PLXDC2: variants seen among roughly 807,000 people sequenced by gnomAD.
PLXDC2 encodes the protein plexin domain-containing protein 2.
In PLXDC2, 40 loss-of-function variants were observed where a neutral mutation model predicts 68.9. That is an observed-to-expected ratio of 0.58 (90% confidence interval 0.45 to 0.76). PLXDC2 has a LOEUF of 0.76. PLXDC2 is among the 30% of genes least tolerant of loss of function. The pLI is 0.00. For synonymous variants in PLXDC2, 243 were observed against 234.2 expected, an observed-to-expected ratio of 1.04 and a Z score of -0.34; for missense variants, 644 against 661.9, an observed-to-expected ratio of 0.97 and a Z score of 0.30.
At chr10:20,270,036 A>ATTAAAT (rs1421816468) in intron 13 of PLXDC2, among the ~76,000 whole-genome samples, 6 of 145,432 alleles carry the variant, frequency 4.1e-5, no homozygotes, top group African/African-American at 1.5e-4. Context: ...ATAAAATAAA[A>ATTAAAT]TAAAATAAAA....
intron 1 of PLXDC2, among the ~76,000 whole-genome samples, chr10:19,923,005 C>G (rs1304683672): frequency 2.0e-5 from 3 of 152,026 alleles, no homozygotes; most frequent in African/African-American, 4.8e-5. Context: ...CTATCTATCT[C>G]TTTATATGTT....
intron 4 of PLXDC2, among the ~76,000 whole-genome samples, chr10:20,116,361 C>T (rs1351505801): frequency 6.6e-5 from 10 of 152,264 alleles, no homozygotes; most frequent in East Asian, 3.9e-4. Flanking sequence ...GTTGTTATTA[C>T]TTATCTGTTC....
At chr10:20,171,903 A>G (rs1224853826) in intron 7 of PLXDC2, among the ~76,000 whole-genome samples, 4 of 152,258 alleles carry the variant, frequency 2.6e-5, no homozygotes, top group Admixed American at 2.0e-4. Flanking sequence ...TGAGCCCGCC[A>G]GTTCCAGACC....
chr10:20,188,309 C>T (rs1589671744), intron 9 of PLXDC2, among the ~76,000 whole-genome samples: 1 of 151,634 alleles, frequency 6.6e-6, no homozygotes, highest in Non-Finnish European at 1.5e-5. Context: ...TTCTCTACTT[C>T]TATGAAATCA....
At chr10:20,053,584 T>C (rs1835942141) in intron 3 of PLXDC2, among the ~76,000 whole-genome samples, 1 of 152,154 alleles carries the variant, frequency 6.6e-6, no homozygotes, top group Non-Finnish European at 1.5e-5. Context: ...GTTTTTGTGA[T>C]TTTCCTCTAT....
At chr10:19,903,864 G>A (rs1838200196) in intron 1 of PLXDC2, among the ~76,000 whole-genome samples, 3 of 151,584 alleles carry the variant, frequency 2.0e-5, no homozygotes, top group Admixed American at 1.3e-4. Context: ...GTATCTCAGA[G>A]GTTTTGATAG....
chr10:19,882,901 T>G (rs1031530983), intron 1 of PLXDC2, among the ~76,000 whole-genome samples: 1 of 152,070 alleles, frequency 6.6e-6, no homozygotes, highest in Non-Finnish European at 1.5e-5. Context: ...GCTTTTGTTT[T>G]TCCTACACTA....
At chr10:19,852,048 C>T (rs930663651) in intron 1 of PLXDC2, among the ~76,000 whole-genome samples, 1 of 152,174 alleles carries the variant, frequency 6.6e-6, no homozygotes, top group African/African-American at 2.4e-5. Flanking sequence ...ATCAGTTTCA[C>T]TTGGGAGTTA....
chr10:20,282,747 C>T lies in PLXDC2; in HGVS notation c.*2928C>T, dbSNP rs1204287477. 1 of 152,076 alleles carries T rather than the reference C, an allele frequency of 6.6e-6. No individual in the cohort carries two copies. The highest frequency in any genetic ancestry group is 1.5e-5 in the Non-Finnish European group (1 of 68,002). 9.4% of individuals were successfully genotyped at this position (152,076 alleles called of 1,614,324 possible). The stretch of plus-strand genomic sequence containing the variant: ...GCTTAAGCCCAAGAGATGGCACTGA[C>T]CATAAATGGTGGCTTGTGTGTGAAG... On this transcript the variant is annotated 3_prime_UTR_variant, in exon 14 of 14. Transcript: ENST00000377252.
At chr10:20,117,080 G>A (rs1004704688) in intron 4 of PLXDC2, among the ~76,000 whole-genome samples, 14 of 150,908 alleles carry the variant, frequency 9.3e-5, no homozygotes, top group African/African-American at 2.9e-4. Flanking sequence ...GCAGTTGAGC[G>A]AGATTGTAGA....
intron 2 of PLXDC2, among the ~76,000 whole-genome samples, chr10:20,037,727 AT>A (rs1835602616): frequency 6.6e-6 from 1 of 152,250 alleles, no homozygotes. Context: ...AATTTGAAAG[AT>A]CACAAGGGTA....
chr10:19,856,548 G>C (rs992977480), intron 1 of PLXDC2, among the ~76,000 whole-genome samples: 2 of 152,166 alleles, frequency 1.3e-5, no homozygotes, highest in African/African-American at 4.8e-5. Flanking sequence ...CGTTGAGTTT[G>C]AGAAGCATTA....
In PLXDC2 at chr10:19,816,785, C is replaced by A; in HGVS notation, c.-295C>A. 1 of 487,076 alleles carries A rather than the reference C, an allele frequency of 2.1e-6. No homozygotes were observed. Among genetic ancestry groups the A allele is most frequent in the Middle Eastern group, 5.6e-4 (1 of 1,800 alleles). The allele number at this position is 487,076 out of a possible 1,614,324, so 30.2% of individuals were successfully genotyped here. On this transcript the variant is annotated 5_prime_UTR_variant, in exon 1 of 14. Transcript: ENST00000377252. ...CGAGTGGAACCGACAGTTTGCGAGC[C>A]TCGGCTGCAAGTGGCCTCTCCTCCC...
intron 1 of PLXDC2, among the ~76,000 whole-genome samples, chr10:19,820,324 A>G (rs1179868807): frequency 6.6e-6 from 1 of 152,184 alleles, no homozygotes; most frequent in African/African-American, 2.4e-5. Flanking sequence ...TCAGATACTC[A>G]CAGAGTATGT....
intron 12 of PLXDC2, among the ~76,000 whole-genome samples, chr10:20,222,589 A>G (rs1835227315): frequency 6.6e-6 from 1 of 152,206 alleles, no homozygotes; most frequent in South Asian, 2.1e-4. Flanking sequence ...AAAAAGGAAC[A>G]TGAAAAATTG....
At chr10:20,033,674 T>C (rs1835536726) in intron 2 of PLXDC2, among the ~76,000 whole-genome samples, 1 of 152,122 alleles carries the variant, frequency 6.6e-6, no homozygotes, top group Non-Finnish European at 1.5e-5. Context: ...ATGATACTTA[T>C]TCACTATCAC....
intron 4 of PLXDC2, among the ~76,000 whole-genome samples, chr10:20,107,777 T>C (rs899172201): frequency 3.9e-5 from 6 of 152,144 alleles, no homozygotes; most frequent in African/African-American, 1.2e-4. Flanking sequence ...GCTGTTTCTT[T>C]TTCCTCAGAA....
At chr10:20,114,939 G>T (rs1833603066) in intron 4 of PLXDC2, among the ~76,000 whole-genome samples, 1 of 152,170 alleles carries the variant, frequency 6.6e-6, no homozygotes, top group Non-Finnish European at 1.5e-5. Flanking sequence ...GTAAAGCACT[G>T]AATACAAAGA....
At chr10:19,937,216 G>T (rs945987142) in intron 1 of PLXDC2, among the ~76,000 whole-genome samples, 1 of 151,974 alleles carries the variant, frequency 6.6e-6, no homozygotes, top group African/African-American at 2.4e-5. Flanking sequence ...CAAATTAATG[G>T]CTCCTGATGC....
Sources: gnomAD v4.1 joint callset for allele counts (sites outside exome capture counted in the v4.1 genomes callset) on GRCh38, gnomAD v4.1.1 for gene constraint, MANE v1.5 for transcripts, NCBI Gene and HGNC (gene_info 2026-07-23, HGNC 2026-07-21) for gene names.